Variants in SGCZ observed in about 807,000 individuals in gnomAD.
SGCZ encodes zeta-sarcoglycan.
In SGCZ, 40 loss-of-function variants were observed where a neutral mutation model predicts 41.3. The ratio of observed to expected loss-of-function variants is 0.97; its 90% CI spans 0.75 to 1.26. SGCZ has a LOEUF of 1.26. Among genes scored for constraint, SGCZ ranks in the 50% most tolerant of loss-of-function variants. The pLI is 0.00. For missense variants in SGCZ, 552 were observed against 369.8 expected, an observed-to-expected ratio of 1.49 and a Z score of -4.04; for synonymous variants, 206 against 137.5, an observed-to-expected ratio of 1.50 and a Z score of -3.49.
intron 1 of SGCZ, among the ~76,000 whole-genome samples, chr8:14,849,711 A>C (rs1203366955): frequency 6.6e-6 from 1 of 152,272 alleles, no homozygotes; most frequent in African/African-American, 2.4e-5. Context: ...TAAGTTCCGT[A>C]TCTTACAGTG....
chr8:14,300,998 A>G (rs1257651562), intron 3 of SGCZ, among the ~76,000 whole-genome samples: 1 of 151,948 alleles, frequency 6.6e-6, no homozygotes, highest in Non-Finnish European at 1.5e-5. Context: ...GAAAGCTCGT[A>G]TATATGAGTA....
At chr8:14,494,899 G>A (rs966118192) in intron 2 of SGCZ, among the ~76,000 whole-genome samples, 1 of 152,196 alleles carries the variant, frequency 6.6e-6, no homozygotes, top group African/African-American at 2.4e-5. Context: ...TGTTAGGCAT[G>A]AGAAGGTAGC....
At chr8:14,199,431 C>T (rs923056804) in intron 4 of SGCZ, among the ~76,000 whole-genome samples, 6 of 152,232 alleles carry the variant, frequency 3.9e-5, no homozygotes, top group Middle Eastern at 3.4e-3. Context: ...TTTAATTTCG[C>T]CCTGGTCCTT....
At chr8:14,344,647 T>C (rs566460173) in intron 2 of SGCZ, among the ~76,000 whole-genome samples, 5 of 152,040 alleles carry the variant, frequency 3.3e-5, no homozygotes, top group Admixed American at 1.3e-4. Context: ...TGCAATCTGA[T>C]GGTGACATGA....
chr8:15,037,656 T>C (rs1223151781), intron 1 of SGCZ, among the ~76,000 whole-genome samples: 1 of 152,148 alleles, frequency 6.6e-6, no homozygotes, highest in Non-Finnish European at 1.5e-5. Context: ...ATAAGAGGCA[T>C]TCAAATTGGA....
chr8:14,350,579 C>G (rs1803053774), intron 2 of SGCZ, among the ~76,000 whole-genome samples: 1 of 152,036 alleles, frequency 6.6e-6, no homozygotes, highest in Admixed American at 6.6e-5. Flanking sequence ...CCGGTACATA[C>G]AGAGGTGTAA....
intron 1 of SGCZ, among the ~76,000 whole-genome samples, chr8:14,600,515 G>C (rs1281511615): frequency 2.6e-5 from 4 of 151,428 alleles, no homozygotes; most frequent in Non-Finnish European, 4.4e-5. Context: ...CTCAGTGCGG[G>C]AGAGTCAAAC....
chr8:14,536,359 TATG>T (rs948669943), intron 2 of SGCZ, among the ~76,000 whole-genome samples: 8 of 151,920 alleles, frequency 5.3e-5, no homozygotes, highest in South Asian at 2.1e-4. Context: ...TCATTGATTT[TATG>T]ATGACTTCTG....
At chr8:14,099,440 T>G (rs898144350) in intron 7 of SGCZ, among the ~76,000 whole-genome samples, 1 of 152,144 alleles carries the variant, frequency 6.6e-6, no homozygotes, top group Non-Finnish European at 1.5e-5. Flanking sequence ...CAAAAAATTG[T>G]TTTTGGTCAG....
chr8:14,321,278 T>C lies in SGCZ; in HGVS notation c.336+2825A>G, dbSNP rs138361132. ...GGATACACTATGATATGTTTTTCTG[T>C]TTACTTTTTTTGCTGGACTACTTGG... On this transcript the variant is annotated intron_variant, in intron 3 of 7. Coordinates refer to ENST00000382080, the MANE Select transcript of SGCZ (RefSeq NM_139167.4). 9.1e-3 allele frequency among the ~76,000 whole-genome samples: 1,385 copies of C among 152,030 alleles called. 21 individuals carry two copies. The highest frequency in any genetic ancestry group is 0.031 in the African/African-American group (1,279 of 41,388).
chr8:14,686,315 C>G (rs904373734), intron 1 of SGCZ, among the ~76,000 whole-genome samples: 7 of 151,778 alleles, frequency 4.6e-5, no homozygotes, highest in African/African-American at 1.7e-4. Context: ...TTGAAATATA[C>G]AATATAGTAA....
intron 1 of SGCZ, among the ~76,000 whole-genome samples, chr8:14,889,584 A>T (rs973109065): frequency 6.6e-6 from 1 of 152,142 alleles, no homozygotes; most frequent in African/African-American, 2.4e-5. Flanking sequence ...TTATCTATAA[A>T]ATGATGACAA....
intron 1 of SGCZ, among the ~76,000 whole-genome samples, chr8:14,978,718 G>C (rs1801568554): frequency 6.6e-6 from 1 of 151,950 alleles, no homozygotes; most frequent in Non-Finnish European, 1.5e-5. Flanking sequence ...AGTAAAGCTT[G>C]GTGGGCCATC....
intron 2 of SGCZ, among the ~76,000 whole-genome samples, chr8:14,384,572 T>C (rs1804499467): frequency 6.6e-6 from 1 of 152,226 alleles, no homozygotes; most frequent in African/African-American, 2.4e-5. Context: ...TATTTATTTA[T>C]TTCTTGAGAC....
chr8:14,520,873 T>TA (rs1349730779), intron 2 of SGCZ, among the ~76,000 whole-genome samples: 2 of 152,094 alleles, frequency 1.3e-5, no homozygotes, highest in Admixed American at 1.3e-4. Flanking sequence ...AGGATGTACT[T>TA]AAAAAAATCA....
intron 1 of SGCZ, among the ~76,000 whole-genome samples, chr8:15,224,096 T>C (rs1801694970): frequency 6.6e-6 from 1 of 152,164 alleles, no homozygotes; most frequent in Admixed American, 6.5e-5. Context: ...CCTCAAGTGA[T>C]CTGCCTGCCT....
intron 4 of SGCZ, among the ~76,000 whole-genome samples, chr8:14,225,160 T>A (rs1806329230): frequency 6.6e-6 from 1 of 152,158 alleles, no homozygotes; most frequent in Non-Finnish European, 1.5e-5. Context: ...ATCAATGTGA[T>A]AATGTGATTT....
At chr8:14,430,347 A>G (rs894465780) in intron 2 of SGCZ, among the ~76,000 whole-genome samples, 9 of 152,200 alleles carry the variant, frequency 5.9e-5, no homozygotes, top group Non-Finnish European at 1.2e-4. Context: ...ATAATTCACC[A>G]TAATCAAGTG....
At chr8:14,967,235 G>C (rs545591087) in intron 1 of SGCZ, among the ~76,000 whole-genome samples, 1 of 152,216 alleles carries the variant, frequency 6.6e-6, no homozygotes, top group Non-Finnish European at 1.5e-5. Context: ...TATATCCCTG[G>C]TGGTGTCTGA....
Sources: gnomAD v4.1 joint callset for allele counts (sites outside exome capture counted in the v4.1 genomes callset) on GRCh38, gnomAD v4.1.1 for gene constraint, MANE v1.5 for transcripts, NCBI Gene and HGNC (gene_info 2026-07-23, HGNC 2026-07-21) for gene names.